MGAT4A: variants seen among roughly 807,000 people sequenced by gnomAD.
The protein encoded by MGAT4A is N-acetylglucosaminyltransferase IVa.
Under a neutral mutation model 74.1 loss-of-function variants are expected in MGAT4A, and 33 were observed. The observed-to-expected ratio is 0.45, with a 90% CI of 0.34 to 0.60. The LOEUF (loss-of-function observed/expected upper bound fraction) is 0.60, where lower values mean the gene tolerates loss of function less well. Ranked by LOEUF, MGAT4A falls within the 20% of genes least tolerant of loss-of-function variation. The pLI, the probability that MGAT4A is intolerant of heterozygous loss-of-function variation, is 0.02. For missense variants in MGAT4A, 479 were observed against 628.3 expected (o/e 0.76, Z 2.54); for synonymous variants, 198 against 210.4 (o/e 0.94, Z 0.51).
intron 5 of MGAT4A, among the ~76,000 whole-genome samples, chr2:98,659,401 C>T (rs1701711108): frequency 6.6e-6 from 1 of 152,070 alleles, no homozygotes; most frequent in African/African-American, 2.4e-5. Flanking sequence ...TTCAAGGACC[C>T]CAGGAAGCCC....
At chr2:98,693,787 G>A (rs1702227097) in intron 2 of MGAT4A, among the ~76,000 whole-genome samples, 1 of 151,936 alleles carries the variant, frequency 6.6e-6, no homozygotes, top group South Asian at 2.1e-4. Context: ...ACCACGGTAA[G>A]TTATATATGT....
At chr2:98,688,187 GCTTTTAGTCTTT>G (rs1702152456) in intron 2 of MGAT4A, among the ~76,000 whole-genome samples, 1 of 151,960 alleles carries the variant, frequency 6.6e-6, no homozygotes, top group Non-Finnish European at 1.5e-5. Context: ...ATACTTCATG[GCTTTTAGTCTTT>G]CTTAGAAACC....
At chr2:98,656,297 T>G in intron 7 of MGAT4A, 55 bp downstream of exon 7, 4 of 1,164,102 alleles carry the variant, frequency 3.4e-6, no homozygotes, top group Non-Finnish European at 5.0e-6. Flanking sequence ...AAAAACTACA[T>G]GTATTAAATA....
rs1009473478 is a variant in MGAT4A at position 98,620,466 on chromosome 2, C to T, written c.*5100G>A. On this transcript the variant is annotated 3_prime_UTR_variant, in exon 16 of 16. Transcript: ENST00000393487. The stretch of plus-strand genomic sequence containing the variant: ...TTCTCTCTTTTAGTTCTACTTGTCT[C>T]GTATCAAGGACATGGCAATACAGTA... 3 of 152,216 alleles carry T rather than the reference C, an allele frequency of 2.0e-5. No individual in the cohort carries two copies. Among genetic ancestry groups the T allele is most frequent in the Admixed American group, 1.3e-4 (2 of 15,288 alleles). 9.4% of individuals were successfully genotyped at this position (152,216 alleles called of 1,614,324 possible).
At position 98,625,139 on chromosome 2, in the gene MGAT4A, GTATATTTA is replaced by G. The variant is rs1037478172; in HGVS notation, c.*419_*426del. 35 of 810,488 alleles carry G rather than the reference GTATATTTA, an allele frequency of 4.3e-5. No homozygotes were observed. Among genetic ancestry groups the G allele is most frequent in the South Asian group, 4.0e-4 (7 of 17,602 alleles). The allele number at this position is 810,488 out of a possible 1,614,324, so 50.2% of individuals were successfully genotyped here. A position where few individuals can be genotyped will look rare whatever the true frequency, so the allele number is the denominator to read the frequency against. On this transcript the variant is annotated 3_prime_UTR_variant, in exon 16 of 16. Transcript: ENST00000393487. ...TAAATTAATTCCATAACATTTTTAT[GTATATTTA>G]TATATTTATATATATAATCCCTGAT...
chr2:98,716,217 A>G (rs7558236), intron 2 of MGAT4A, among the ~76,000 whole-genome samples: 49,655 of 151,916 alleles, frequency 0.33, 10,495 homozygotes, highest in African/African-American at 0.59. Context: ...CCTCAACTTC[A>G]GAAGCTGAGG....
chr2:98,708,859 G>T (rs1702476283), intron 2 of MGAT4A, among the ~76,000 whole-genome samples: 1 of 152,192 alleles, frequency 6.6e-6, no homozygotes, highest in Non-Finnish European at 1.5e-5. Flanking sequence ...TACTAGCTAA[G>T]AAGATACAGT....
chr2:98,679,643 G>C (rs1246147569), intron 2 of MGAT4A, among the ~76,000 whole-genome samples: 1 of 152,014 alleles, frequency 6.6e-6, no homozygotes, highest in Non-Finnish European at 1.5e-5. Context: ...AAAAACAGTA[G>C]AATAAAAATC....
chr2:98,729,502 C>T (rs144223623), intron 1 of MGAT4A, among the ~76,000 whole-genome samples: 42 of 152,170 alleles, frequency 2.8e-4, no homozygotes, highest in Non-Finnish European at 2.2e-4. Flanking sequence ...TTAATATTCT[C>T]GGAGACTATA....
chr2:98,728,640 T>A (rs1404032289), intron 1 of MGAT4A, among the ~76,000 whole-genome samples: 1 of 151,736 alleles, frequency 6.6e-6, no homozygotes, highest in Non-Finnish European at 1.5e-5. Context: ...CCCAGCTTAC[T>A]CGGGAGGCTG....
chr2:98,729,461 T>C (rs546485214), intron 1 of MGAT4A, among the ~76,000 whole-genome samples: 2 of 152,284 alleles, frequency 1.3e-5, no homozygotes, highest in East Asian at 3.9e-4. Flanking sequence ...TTTATTAGTG[T>C]CCACATTTGC....
chr2:98,624,490 TATA>T lies in MGAT4A; in HGVS notation c.*1073_*1075del. On this transcript the variant is annotated 3_prime_UTR_variant, in exon 16 of 16. Transcript: ENST00000393487. ...ACTACAATAAAATCATTTTGGAAAATATACTACTAATAATATATTTCACCAAAA... is the reference window on the plus strand; with the variant it reads ...ACTACAATAAAATCATTTTGGAAAATCTACTAATAATATATTTCACCAAAA... 1 of 970,474 alleles carries T rather than the reference TATA, an allele frequency of 1.0e-6. No homozygotes were observed. Among genetic ancestry groups the T allele is most frequent in the Non-Finnish European group, 1.2e-6 (1 of 816,362 alleles). 60.1% of individuals were successfully genotyped at this position (970,474 alleles called of 1,614,324 possible).
intron 2 of MGAT4A, among the ~76,000 whole-genome samples, chr2:98,705,768 C>A (rs1261083912): frequency 3.3e-5 from 5 of 151,334 alleles, no homozygotes; most frequent in African/African-American, 1.2e-4. Context: ...AAGGTGAAAC[C>A]CCGTCTCTAC....
At position 98,722,633 on chromosome 2, in the gene MGAT4A, A is replaced by G. The variant is rs540080676; in HGVS notation, c.94+3606T>C. 2.0e-4 allele frequency among the ~76,000 whole-genome samples: 30 copies of G among 152,328 alleles called. 1 individual carries two copies. The highest frequency in any genetic ancestry group is 2.1e-4 in the South Asian group (1 of 4,824). On this transcript the variant is annotated intron_variant, in intron 2 of 15. Transcript: ENST00000393487. The stretch of plus-strand genomic sequence containing the variant: ...TAAAATTGACTGTGGTGATGGATAC[A>G]TATCTGTGAATATACCAAAAACCGA...
intron 10 of MGAT4A, 111 bp from the exon 11 acceptor site, chr2:98,640,339 G>T: frequency 1.2e-6 from 1 of 868,478 alleles, no homozygotes; most frequent in Non-Finnish European, 1.8e-6. Flanking sequence ...GCTGGGCGCG[G>T]TGGGTCATGC....
At chr2:98,730,656 T>C (rs1271840575) in intron 1 of MGAT4A, among the ~76,000 whole-genome samples, 6 of 150,322 alleles carry the variant, frequency 4.0e-5, no homozygotes, top group Non-Finnish European at 7.4e-5. Flanking sequence ...TTGCTCCACT[T>C]TCCCCCAAAG....
chr2:98,632,097 G>A (rs940849930), intron 14 of MGAT4A, among the ~76,000 whole-genome samples: 7 of 150,452 alleles, frequency 4.7e-5, no homozygotes, highest in Admixed American at 1.3e-4. Flanking sequence ...GCGGCAAAGC[G>A]AGACTCTGTC....
intron 8 of MGAT4A, among the ~76,000 whole-genome samples, chr2:98,654,130 T>A (rs1436209501): frequency 6.6e-6 from 1 of 151,712 alleles, no homozygotes; most frequent in Non-Finnish European, 1.5e-5. Flanking sequence ...TTAAAAAAAA[T>A]GTGACGAACT....
At chr2:98,632,392 G>A (rs979179447) in intron 14 of MGAT4A, among the ~76,000 whole-genome samples, 1 of 152,194 alleles carries the variant, frequency 6.6e-6, no homozygotes, top group Non-Finnish European at 1.5e-5. Context: ...AACTTTTCCC[G>A]TCTCAACAGC....
Sources: allele counts gnomAD v4.1 joint callset (sites outside exome capture counted in the v4.1 genomes callset), GRCh38; gene constraint gnomAD v4.1.1; transcripts MANE v1.5; gene names NCBI Gene and HGNC (gene_info 2026-07-23, HGNC 2026-07-21).